The following TBX21 variants were observed in gnomAD, a reference collection of about 807,000 sequenced individuals.
TBX21 encodes the protein T-box transcription factor 21.
Under a neutral mutation model 52.2 loss-of-function variants are expected in TBX21, and 11 were observed. The ratio of observed to expected loss-of-function variants is 0.21; its 90% confidence interval spans 0.13 to 0.35. TBX21 has a LOEUF of 0.35. Ranked by LOEUF, TBX21 falls within the 10% of genes least tolerant of loss-of-function variation. The probability of loss-of-function intolerance (pLI) is 1.00; values close to 1 mark genes in which losing one functional copy is unlikely to be tolerated. For missense variants in TBX21, 625 were observed against 755.1 expected, an observed-to-expected ratio of 0.83 and a Z score of 2.02; for synonymous variants, 300 against 316.1, an observed-to-expected ratio of 0.95 and a Z score of 0.54.
rs2032159485 is a variant in TBX21 at position 47,733,269 on chromosome 17, A to G, written c.-186A>G. On this transcript the variant is annotated 5_prime_UTR_variant, in exon 1 of 6. Transcript: ENST00000177694. The surrounding 1 kb of genome is among the most constrained non-coding windows in gnomAD (Gnocchi z 6.6). ...CGGCCCGCTGGAGAGGAAGCCCGAG[A>G]GCTGCCGCGCGCCTGCCGGACGAGG... The G allele has an allele frequency of 1.3e-6, 1 of 759,328 alleles. No homozygotes were observed. Among genetic ancestry groups the G allele is most frequent in the South Asian group, 2.5e-5 (1 of 39,822 alleles). The allele number at this position is 759,328 out of a possible 1,614,324, so 47.0% of individuals were successfully genotyped here. A position where few individuals can be genotyped will look rare whatever the true frequency, so the allele number is the denominator to read the frequency against.
intron 1 of TBX21, among the ~76,000 whole-genome samples, chr17:47,735,583 G>C (rs2032199126): frequency 6.6e-6 from 1 of 152,222 alleles, no homozygotes; most frequent in African/African-American, 2.4e-5. Flanking sequence ...TGCAGGCAGA[G>C]CTGGCACTAC....
intron 1 of TBX21, among the ~76,000 whole-genome samples, chr17:47,736,511 C>G (rs1307348057): frequency 6.6e-6 from 1 of 151,942 alleles, no homozygotes; most frequent in Non-Finnish European, 1.5e-5. Flanking sequence ...CTTTTTGCTC[C>G]ATTCTGAGGG....
In TBX21 at chr17:47,742,630, C is replaced by T. The variant is rs752132453; in HGVS notation, c.512C>T (p.Ser171Leu). The change falls in exon 2 of 6, where the codon TCA becomes TTA. Residue 171 changes from serine (S) to leucine (L), a missense_variant. Around this residue, in one of 4 missense-constraint regions of TBX21, gnomAD observed 142 missense variants for 258.5 expected, o/e 0.55. Transcript: ENST00000177694. The surrounding 1 kb of genome is among the most constrained non-coding windows in gnomAD (Gnocchi z 4.4). ...KQGRRMFPFL[S>L]FTVAGLEPTS... Reference sequence around the variant, plus strand: ...TCCAGGCGGATGTTCCCATTCCTGTCATTTACTGTGGCCGGGCTGGAGCCC... The same window carrying T: ...TCCAGGCGGATGTTCCCATTCCTGTTATTTACTGTGGCCGGGCTGGAGCCC... 6.2e-7 allele frequency: 1 copy of T among 1,604,478 alleles called. No individual in the cohort carries two copies. The highest frequency in any genetic ancestry group is 1.7e-5 in the Admixed American group (1 of 58,550).
At chr17:47,737,140 G>A (rs1255765621) in intron 1 of TBX21, among the ~76,000 whole-genome samples, 2 of 152,214 alleles carry the variant, frequency 1.3e-5, no homozygotes, top group African/African-American at 4.8e-5. Flanking sequence ...AGACTTTGGT[G>A]TCTACGTTTG....
rs752147705 is a variant in TBX21 at position 47,745,154 on chromosome 17, C to T, written c.1396C>T (p.Arg466Trp). The T allele has an allele frequency of 2.0e-5, 32 of 1,614,020 alleles. No homozygotes were observed. Among genetic ancestry groups the T allele is most frequent in the South Asian group, 3.3e-5 (3 of 91,082 alleles). The change falls in exon 6 of 6, where the codon CGG becomes TGG. Residue 466 changes from arginine to tryptophan, a missense_variant. By Grantham distance (101) the Arg-to-Trp change is moderately radical. This residue lies in a region of TBX21 where 261 missense variants were observed against 275.1 expected (regional missense o/e 0.95). Transcript: ENST00000177694. ...ACCCGGCCCTGGAGGCTCAGAGGGA[C>T]GGGGACCAGAGGACCAGGGTCCCCC... Reference protein sequence around the residue: ...MEPGPGGSEGRGPEDQGPPLV... With the variant: ...MEPGPGGSEGWGPEDQGPPLV...
chr17:47,742,933 C>T lies in TBX21; in HGVS notation c.647-138C>T. ...GCTTCCTGCTTTGCTCTAGCCTGTC[C>T]TCTGCTGAGTCCTCTGCCCTTCCCT... On this transcript the variant is annotated intron_variant, in intron 2 of 5. Transcript: ENST00000177694. The surrounding 1 kb of genome is among the most constrained non-coding windows in gnomAD (Gnocchi z 4.4). 1 of 1,510,868 alleles carries T rather than the reference C, an allele frequency of 6.6e-7. No individual in the cohort carries two copies. Among genetic ancestry groups the T allele is most frequent in the Non-Finnish European group, 8.9e-7 (1 of 1,128,854 alleles). 93.6% of individuals were successfully genotyped at this position (1,510,868 alleles called of 1,614,324 possible).
Position 47,744,841 on chromosome 17 carries a change from C to T in TBX21, c.1083C>T (p.Asn361=), listed in dbSNP as rs183621435. 1.3e-4 allele frequency: 217 copies of T among 1,614,224 alleles called. 1 individual carries two copies. In the East Asian group the frequency reaches 3.6e-3, roughly 27 times the overall value. ...ATCACTACTCTCCTCTCCTACCCAA[C>T]CAGTATCCTGTTCCCAGCCGCTTCT... ...GGDHYSPLLP[N]QYPVPSRFYP... Residue 361 remains asparagine (N), a synonymous_variant, in exon 6 of 6, where the codon AAC becomes AAT. Transcript: ENST00000177694.
chr17:47,737,216 AGT>A (rs2143424974), intron 1 of TBX21, among the ~76,000 whole-genome samples: 5 of 151,908 alleles, frequency 3.3e-5, no homozygotes, highest in African/African-American at 1.2e-4. Flanking sequence ...TCTGTGTGGC[AGT>A]GTGTGTGTGT....
intron 1 of TBX21, among the ~76,000 whole-genome samples, chr17:47,741,789 CAG>C (rs1347446945): frequency 9.9e-5 from 15 of 152,234 alleles, no homozygotes; most frequent in Admixed American, 9.2e-4. Context: ...AGGTTAGAGA[CAG>C]GGGTGTGCAG....
intron 1 of TBX21, among the ~76,000 whole-genome samples, chr17:47,739,694 G>A (rs1045323323): frequency 2.6e-5 from 4 of 151,806 alleles, no homozygotes; most frequent in Non-Finnish European, 5.9e-5. Context: ...CCTTGGAGGC[G>A]GAGCTTGCAG....
At position 47,733,830 on chromosome 17, in the gene TBX21, G is replaced by A. The variant is rs1050360197; in HGVS notation, c.376G>A (p.Ala126Thr). Residue 126 changes from alanine (A) to threonine (T), a missense_variant, in exon 1 of 6, where the codon GCG becomes ACG. This residue lies in a region of TBX21 where 142 missense variants were observed against 258.5 expected (regional missense o/e 0.55). Transcript: ENST00000177694. The surrounding 1 kb of genome is among the most constrained non-coding windows in gnomAD (Gnocchi z 6.6). ...GLYPGPREDY[A>T]LPAGLEVSGK... ...CTACCCGGGGCCGCGTGAGGACTAC[G>A]CGCTACCCGCGGGACTGGAGGTGTC... 1 of 1,607,142 alleles carries A rather than the reference G, an allele frequency of 6.2e-7. No individual in the cohort carries two copies. Among genetic ancestry groups the A allele is most frequent in the Non-Finnish European group, 8.5e-7 (1 of 1,177,556 alleles).
At chr17:47,743,342 G>C in intron 3 of TBX21, 150 bp downstream of exon 3, 1 of 1,094,630 alleles carries the variant, frequency 9.1e-7, no homozygotes, top group Non-Finnish European at 1.3e-6. Flanking sequence ...TGTCCTAAAC[G>C]AAGGGTCATT....
intron 1 of TBX21, 148 bp downstream of exon 1, chr17:47,734,093 A>G: frequency 7.3e-7 from 1 of 1,376,358 alleles, no homozygotes. Context: ...TGGGGTTGTT[A>G]GGAGGACAGG....
chr17:47,742,107 T>A lies in TBX21; in HGVS notation c.492-503T>A, dbSNP rs1446240754. 6.6e-6 allele frequency among the ~76,000 whole-genome samples: 1 copy of A among 151,670 alleles called. No homozygotes were observed. Among genetic ancestry groups the A allele is most frequent in the African/African-American group, 2.4e-5 (1 of 41,224 alleles). On this transcript the variant is annotated intron_variant, in intron 1 of 5. Coordinates refer to ENST00000177694, the MANE Select transcript of TBX21 (RefSeq NM_013351.2). The surrounding 1 kb of genome is among the most constrained non-coding windows in gnomAD (Gnocchi z 4.4). Reference sequence around the variant, plus strand: ...TTTTTGAGATGGAGACTTGCTCTTGTCATCCAGGCTGGAGGGCAGTGGCGC... The same window carrying A: ...TTTTTGAGATGGAGACTTGCTCTTGACATCCAGGCTGGAGGGCAGTGGCGC...
intron 1 of TBX21, among the ~76,000 whole-genome samples, chr17:47,739,383 C>T (rs914192033): frequency 3.3e-5 from 5 of 151,632 alleles, no homozygotes; most frequent in South Asian, 2.1e-4. Flanking sequence ...TCGGGTGACT[C>T]GGGAGGCCAA....
rs751115309 is a variant in TBX21, at chr17:47,734,014, T to C, written c.491+69T>C. Reference sequence around the variant, plus strand: ...GGAACAAGAACGTCTCGTCTGTTTTTCTGGCTCGACAATGCTTCTGACTCC... The same window carrying C: ...GGAACAAGAACGTCTCGTCTGTTTTCCTGGCTCGACAATGCTTCTGACTCC... On this transcript the variant is annotated intron_variant, in intron 1 of 5. Coordinates refer to ENST00000177694, the MANE Select transcript of TBX21 (RefSeq NM_013351.2). 1.1e-4 allele frequency: 170 copies of C among 1,607,358 alleles called. 1 individual carries two copies. Among genetic ancestry groups the C allele is most frequent in the Non-Finnish European group, 1.2e-4 (146 of 1,177,164 alleles).
At position 47,733,803 on chromosome 17, in the gene TBX21, C is replaced by T; in HGVS notation, c.349C>T (p.Leu117Phe). The T allele has an allele frequency of 6.3e-7, 1 of 1,582,878 alleles. No homozygotes were observed. The highest frequency in any genetic ancestry group is 8.6e-7 in the Non-Finnish European group (1 of 1,166,186). Reference sequence around the variant, plus strand: ...CGCCGCCCCGGACCCGCGCGCCGGGCTCTACCCGGGGCCGCGTGAGGACTA... The same window carrying T: ...CGCCGCCCCGGACCCGCGCGCCGGGTTCTACCCGGGGCCGCGTGAGGACTA... ...GYAAPDPRAG[L>F]YPGPREDYAL... Residue 117 changes from leucine (L) to phenylalanine (F), a missense_variant, in exon 1 of 6, where the codon CTC (leucine) becomes TTC (phenylalanine). This residue lies in a region of TBX21 where 221 missense variants were observed against 204.9 expected (regional missense o/e 1.08). Transcript: ENST00000177694. The surrounding 1 kb of genome is among the most constrained non-coding windows in gnomAD (Gnocchi z 6.6).
chr17:47,738,912 T>G (rs1218048046), intron 1 of TBX21, among the ~76,000 whole-genome samples: 1 of 152,234 alleles, frequency 6.6e-6, no homozygotes, highest in Non-Finnish European at 1.5e-5. Context: ...ATATTATCAA[T>G]TTTTAAACAT....
Position 47,745,806 on chromosome 17 carries a change from G to T in TBX21, c.*440G>T, listed in dbSNP as rs943354142. The T allele has an allele frequency of 1.2e-5, 2 of 160,416 alleles. No individual in the cohort carries two copies. Among genetic ancestry groups the T allele is most frequent in the African/African-American group, 4.8e-5 (2 of 41,488 alleles). The allele number at this position is 160,416 out of a possible 1,614,324, so 9.9% of individuals were successfully genotyped here. ...TGTGTGTTAATCCCTGATCCAAAAA[G>T]AACAAATACACGTATGTTATAACCA... On this transcript the variant is annotated 3_prime_UTR_variant, in exon 6 of 6. Coordinates refer to ENST00000177694, the MANE Select transcript of TBX21 (RefSeq NM_013351.2).
Sources: gnomAD v4.1 joint callset for allele counts (sites outside exome capture counted in the v4.1 genomes callset) on GRCh38, gnomAD v4.1.1 for gene constraint, gnomAD v4.1.1 regional missense constraint, Gnocchi (gnomAD v3.1) non-coding constraint, MANE v1.5 for transcripts, NCBI Gene and HGNC (gene_info 2026-07-23, HGNC 2026-07-21) for gene names.